Variants in ADGRB3 observed in about 807,000 individuals in gnomAD.
ADGRB3 encodes the protein adhesion G protein-coupled receptor B3.
ADGRB3 carries 37 observed loss-of-function variants against 193.4 expected under a neutral mutation model. That is an observed-to-expected ratio of 0.19 (90% CI 0.15 to 0.25). The LOEUF (loss-of-function observed/expected upper bound fraction) is 0.25, where lower values mean the gene tolerates loss of function less well. Among genes scored for constraint, ADGRB3 ranks in the 10% least tolerant of loss-of-function variants. The probability of loss-of-function intolerance (pLI) is 1.00; values close to 1 mark genes in which losing one functional copy is unlikely to be tolerated. For missense variants in ADGRB3, 1,637 were observed against 1,852.9 expected (o/e 0.88, Z 2.14); for synonymous variants, 690 against 644.2 (o/e 1.07, Z -1.08).
chr6:69,140,808 A>T (rs1244981136), intron 17 of ADGRB3, among the ~76,000 whole-genome samples: 1 of 152,140 alleles, frequency 6.6e-6, no homozygotes, highest in Non-Finnish European at 1.5e-5. Flanking sequence ...ATAAAAATCA[A>T]AAAAAGAGAA....
intron 17 of ADGRB3, among the ~76,000 whole-genome samples, chr6:69,104,241 G>T (rs969667946): frequency 3.6e-5 from 5 of 137,632 alleles, no homozygotes; most frequent in African/African-American, 5.5e-5. Context: ...CTGTGTCCAT[G>T]TGATCTCATT....
At chr6:68,673,170 A>C (rs554365235) in intron 3 of ADGRB3, among the ~76,000 whole-genome samples, 1 of 152,264 alleles carries the variant, frequency 6.6e-6, no homozygotes, top group African/African-American at 2.4e-5. Flanking sequence ...TCGAATGGGT[A>C]TAAAAATAAC....
At chr6:68,768,854 A>G (rs918497435) in intron 3 of ADGRB3, among the ~76,000 whole-genome samples, 5 of 152,080 alleles carry the variant, frequency 3.3e-5, no homozygotes, top group African/African-American at 1.2e-4. Context: ...AGAAAAAAAA[A>G]AACTCATCAA....
chr6:69,351,758 C>T (rs1314664309), intron 26 of ADGRB3, among the ~76,000 whole-genome samples: 1 of 152,136 alleles, frequency 6.6e-6, no homozygotes. Context: ...CTTCAAGCAA[C>T]TAAGAGTTGA....
chr6:69,091,265 T>A (rs1311696993), intron 17 of ADGRB3, among the ~76,000 whole-genome samples: 1 of 152,168 alleles, frequency 6.6e-6, no homozygotes, highest in African/African-American at 2.4e-5. Context: ...GAAATACCAT[T>A]TGACTCAGCA....
chr6:69,165,643 G>A (rs1775112570), intron 17 of ADGRB3, among the ~76,000 whole-genome samples: 1 of 151,800 alleles, frequency 6.6e-6, no homozygotes, highest in African/African-American at 2.4e-5. Context: ...ATTTCTTTGG[G>A]TTATTTCTGG....
intron 3 of ADGRB3, among the ~76,000 whole-genome samples, chr6:68,879,833 T>C (rs1001088513): frequency 6.6e-6 from 1 of 152,168 alleles, no homozygotes; most frequent in Non-Finnish European, 1.5e-5. Context: ...ACAGACATTT[T>C]AGCTGATGCC....
intron 3 of ADGRB3, among the ~76,000 whole-genome samples, chr6:68,868,507 A>G (rs1765366377): frequency 6.6e-6 from 1 of 152,224 alleles, no homozygotes; most frequent in Non-Finnish European, 1.5e-5. Context: ...ACCACAAACC[A>G]TTTTATATAT....
At chr6:68,715,616 A>T (rs1765476564) in intron 3 of ADGRB3, among the ~76,000 whole-genome samples, 1 of 151,770 alleles carries the variant, frequency 6.6e-6, no homozygotes, top group Non-Finnish European at 1.5e-5. Context: ...CATATTTCAA[A>T]GTTTTGAAAG....
intron 13 of ADGRB3, among the ~76,000 whole-genome samples, chr6:69,028,510 C>T (rs1770507556): frequency 6.6e-6 from 1 of 152,128 alleles, no homozygotes; most frequent in Non-Finnish European, 1.5e-5. Context: ...GTCGAAAACA[C>T]TGATCATGTT....
chr6:69,091,067 A>G (rs926732599), intron 17 of ADGRB3, among the ~76,000 whole-genome samples: 3 of 152,246 alleles, frequency 2.0e-5, no homozygotes, highest in Admixed American at 2.0e-4. Context: ...CTTTAGAGAA[A>G]TGTAAATCAA....
At chr6:68,695,625 A>G (rs1270052043) in intron 3 of ADGRB3, among the ~76,000 whole-genome samples, 2 of 151,940 alleles carry the variant, frequency 1.3e-5, no homozygotes, top group African/African-American at 4.8e-5. Context: ...TTGGTCTCCT[A>G]AAGACTGGGA....
At chr6:69,071,805 A>C (rs1398788680) in intron 16 of ADGRB3, among the ~76,000 whole-genome samples, 1 of 152,088 alleles carries the variant, frequency 6.6e-6, no homozygotes, top group Non-Finnish European at 1.5e-5. Context: ...AGTTTACTGC[A>C]TTTGTTAAAA....
chr6:69,297,285 C>G (rs901911978), intron 20 of ADGRB3, among the ~76,000 whole-genome samples: 10 of 150,796 alleles, frequency 6.6e-5, no homozygotes, highest in African/African-American at 2.4e-4. Context: ...TTTCTACTTT[C>G]TATTAGTTCC....
At chr6:69,316,357 CAT>C (rs530776107) in intron 20 of ADGRB3, among the ~76,000 whole-genome samples, 1 of 151,038 alleles carries the variant, frequency 6.6e-6, no homozygotes. Context: ...AAATAGGAAA[CAT>C]AGACAAGTAA....
At chr6:68,926,706 T>C (rs1767192070) in intron 3 of ADGRB3, among the ~76,000 whole-genome samples, 1 of 152,214 alleles carries the variant, frequency 6.6e-6, no homozygotes, top group Admixed American at 6.5e-5. Flanking sequence ...CTTGTCTGTA[T>C]GTTTAAAAAT....
In ADGRB3 at chr6:69,257,349, G is replaced by C. The variant is rs557194182; in HGVS notation, c.2814+18123G>C. 1.6e-3 allele frequency among the ~76,000 whole-genome samples: 246 copies of C among 152,118 alleles called. 2 individuals are homozygous for C. The highest frequency in any genetic ancestry group is 5.6e-3 in the African/African-American group (233 of 41,484). ...ATCTGGTCCTGGACTCTTTTTGGTT[G>C]GTAAGCTATTGATTATTGCCACAAT... On this transcript the variant is annotated intron_variant, in intron 20 of 31. Transcript: ENST00000370598.
In ADGRB3 at chr6:69,162,327, T is replaced by C. The variant is rs1235101515; in HGVS notation, c.2481-70963T>C. Among the ~76,000 whole-genome samples, 3 of 152,136 alleles carry C rather than the reference T, an allele frequency of 2.0e-5. No individual in the cohort carries two copies. The East Asian group carries it at 5.8e-4, about 29-fold the overall frequency. ...TTCAATGTTGTATATAAACCTCATC[T>C]AAAAATGAAATATTGGAAAGTAACT... On this transcript the variant is annotated intron_variant, in intron 17 of 31. Transcript: ENST00000370598.
chr6:69,355,098 T>C (rs1198843745), intron 27 of ADGRB3, among the ~76,000 whole-genome samples: 2 of 152,120 alleles, frequency 1.3e-5, no homozygotes, highest in Non-Finnish European at 2.9e-5. Flanking sequence ...TAAAAACAAA[T>C]AGATAGCCAA....
Sources: gnomAD v4.1 joint callset for allele counts (sites outside exome capture counted in the v4.1 genomes callset) on GRCh38, gnomAD v4.1.1 for gene constraint, MANE v1.5 for transcripts, NCBI Gene and HGNC (gene_info 2026-07-23, HGNC 2026-07-21) for gene names.